The following MAGI2 variants were observed in gnomAD, a reference collection of about 807,000 sequenced individuals.
MAGI2 encodes the protein membrane-associated guanylate kinase, WW and PDZ domain-containing protein 2.
Under a neutral mutation model 133.3 loss-of-function variants are expected in MAGI2, and 35 were observed. That is an observed-to-expected ratio of 0.26 (90% CI 0.20 to 0.35). The LOEUF (loss-of-function observed/expected upper bound fraction) is 0.35, where lower values mean the gene tolerates loss of function less well. MAGI2 is among the 10% of genes least tolerant of loss of function. The probability of loss-of-function intolerance (pLI) is 1.00; values close to 1 mark genes in which losing one functional copy is unlikely to be tolerated. For synonymous variants in MAGI2, 729 were observed against 710.6 expected, an observed-to-expected ratio of 1.03 and a Z score of -0.41; for missense variants, 1,636 against 1,863.4, an observed-to-expected ratio of 0.88 and a Z score of 2.25.
chr7:78,373,809 T>C (rs1794175054), intron 6 of MAGI2, among the ~76,000 whole-genome samples: 1 of 152,052 alleles, frequency 6.6e-6, no homozygotes, highest in African/African-American at 2.4e-5. Context: ...TTCATGAATA[T>C]CCAGTGTTTA....
At chr7:78,273,282 G>A (rs992067821) in intron 9 of MAGI2, among the ~76,000 whole-genome samples, 2 of 152,230 alleles carry the variant, frequency 1.3e-5, no homozygotes, top group Non-Finnish European at 2.9e-5. Context: ...CTTCTGGCTT[G>A]TAGGGTTTCT....
chr7:78,625,678 C>T (rs2150951159), intron 3 of MAGI2, among the ~76,000 whole-genome samples: 1 of 152,314 alleles, frequency 6.6e-6, no homozygotes, highest in Non-Finnish European at 1.5e-5. Context: ...CCCAGAGCAA[C>T]TTACAGTCCT....
At chr7:79,380,919 C>T (rs78254548) in intron 1 of MAGI2, among the ~76,000 whole-genome samples, 4,783 of 151,878 alleles carry the variant, frequency 0.031, 237 homozygotes, top group African/African-American at 0.11. Context: ...AATTTTTATA[C>T]ACACTTGGTA....
intron 21 of MAGI2, among the ~76,000 whole-genome samples, chr7:78,032,918 G>T (rs1008932319): frequency 6.6e-6 from 1 of 152,062 alleles, no homozygotes; most frequent in Non-Finnish European, 1.5e-5. Context: ...GTAGAAGGAA[G>T]TGTGAGATCA....
At chr7:78,096,634 T>C (rs1817716635) in intron 20 of MAGI2, among the ~76,000 whole-genome samples, 1 of 152,194 alleles carries the variant, frequency 6.6e-6, no homozygotes, top group Non-Finnish European at 1.5e-5. Flanking sequence ...CAGTGCTTGT[T>C]TTTTTAAGTA....
rs916631697 is a variant in MAGI2, at chr7:79,261,472, G to A, written c.301+191548C>T. Among the ~76,000 whole-genome samples, 10 of 152,306 alleles carry A rather than the reference G, an allele frequency of 6.6e-5. No individual in the cohort carries two copies. The South Asian group carries it at 8.3e-4, about 13-fold the overall frequency. The stretch of plus-strand genomic sequence containing the variant: ...CAAGCCTAAGGTTAGTGGATGGGAC[G>A]TCAAATCCACTTCCTCAAAGGACAG... On this transcript the variant is annotated intron_variant, in intron 1 of 21. Transcript: ENST00000354212.
chr7:79,021,432 G>T (rs575334884), intron 1 of MAGI2, among the ~76,000 whole-genome samples: 41 of 152,348 alleles, frequency 2.7e-4, no homozygotes, highest in African/African-American at 9.6e-4. Flanking sequence ...GGGTGGAGCT[G>T]CCAAAGGCCA....
intron 6 of MAGI2, chr7:78,485,797 A>G (rs755692718): frequency 2.6e-5 from 4 of 152,070 alleles, no homozygotes; most frequent in East Asian, 1.9e-4. Flanking sequence ...ATAAATTAGG[A>G]TAACAGTGAA....
At chr7:79,113,617 C>T (rs1008502272) in intron 1 of MAGI2, among the ~76,000 whole-genome samples, 1 of 152,146 alleles carries the variant, frequency 6.6e-6, no homozygotes, top group Non-Finnish European at 1.5e-5. Flanking sequence ...TCAAGAGCTA[C>T]TAGCAAAGTT....
In MAGI2 at chr7:79,028,862, T is replaced by G. The variant is rs185171971; in HGVS notation, c.302-21656A>C. Reference sequence around the variant, plus strand: ...ATTGTCTTGGTAATGAAAGGGGTTTTTTTATAAATTACCTATTCATGCAAA... The same window carrying G: ...ATTGTCTTGGTAATGAAAGGGGTTTGTTTATAAATTACCTATTCATGCAAA... On this transcript the variant is annotated intron_variant, in intron 1 of 21. Transcript: ENST00000354212. Among the ~76,000 whole-genome samples the G allele has an allele frequency of 1.9e-3, 293 of 152,304 alleles. 1 individual carries two copies. Among genetic ancestry groups the G allele is most frequent in the Middle Eastern group, 6.8e-3 (2 of 294 alleles).
chr7:78,075,769 C>T (rs545499081), intron 21 of MAGI2, among the ~76,000 whole-genome samples: 1 of 152,268 alleles, frequency 6.6e-6, no homozygotes, highest in African/African-American at 2.4e-5. Context: ...TTGGGGACTC[C>T]TGGGCCCCAT....
intron 6 of MAGI2, among the ~76,000 whole-genome samples, chr7:78,388,074 T>C (rs1273722714): frequency 2.0e-5 from 3 of 152,228 alleles, no homozygotes; most frequent in Non-Finnish European, 4.4e-5. Flanking sequence ...TTTAGGTAAG[T>C]ATATTTGACA....
At chr7:78,055,228 T>C (rs1238876749) in intron 21 of MAGI2, among the ~76,000 whole-genome samples, 1 of 152,224 alleles carries the variant, frequency 6.6e-6, no homozygotes, top group Non-Finnish European at 1.5e-5. Flanking sequence ...AAAAATTTCC[T>C]GAGAGACAAG....
intron 3 of MAGI2, chr7:78,554,640 G>T (rs921573365): frequency 6.6e-6 from 1 of 152,132 alleles, no homozygotes; most frequent in Non-Finnish European, 1.5e-5. Flanking sequence ...CCTGAAGCAG[G>T]TCATAGGACC....
At chr7:78,830,887 T>A (rs1171833600) in intron 2 of MAGI2, among the ~76,000 whole-genome samples, 1 of 152,178 alleles carries the variant, frequency 6.6e-6, no homozygotes. Context: ...GAATATTACG[T>A]ACACAGCAAA....
chr7:78,645,385 G>T (rs1259742990), intron 2 of MAGI2, among the ~76,000 whole-genome samples: 1 of 152,054 alleles, frequency 6.6e-6, no homozygotes, highest in Non-Finnish European at 1.5e-5. Context: ...TATTCCTCAT[G>T]AACATACATA....
intron 1 of MAGI2, among the ~76,000 whole-genome samples, chr7:79,161,178 A>C (rs1189757649): frequency 6.6e-6 from 1 of 152,114 alleles, no homozygotes; most frequent in Non-Finnish European, 1.5e-5. Context: ...TGGGTAATGC[A>C]TCTGACTGGG....
intron 3 of MAGI2, among the ~76,000 whole-genome samples, chr7:78,609,830 A>C (rs1439734355): frequency 6.6e-6 from 1 of 152,196 alleles, no homozygotes; most frequent in Non-Finnish European, 1.5e-5. Context: ...TTTCAACTTG[A>C]TAAGTCCAGG....
At position 78,527,006 on chromosome 7, in the gene MAGI2, C is replaced by CAAAAAAAAAAAAAAAAAAAA. The variant is rs55707442; in HGVS notation, c.539-5381_539-5362dup. ...ATGGTGACAGGGCAAGACTCCATCTCAAAAAAAAAAAAAAAAAAAAAAAAA... is the reference window on the plus strand; with the variant it reads ...ATGGTGACAGGGCAAGACTCCATCTCAAAAAAAAAAAAAAAAAAAAAAAAAAAAAAAAAAAAAAAAAAAAA... On this transcript the variant is annotated intron_variant, in intron 3 of 21. Coordinates refer to ENST00000354212, the MANE Select transcript of MAGI2 (RefSeq NM_012301.4). Among the ~76,000 whole-genome samples, 55 of 45,422 alleles carry CAAAAAAAAAAAAAAAAAAAA rather than the reference C, an allele frequency of 1.2e-3. 1 individual carries two copies. The highest frequency in any genetic ancestry group is 1.4e-3 in the African/African-American group (21 of 14,636). The allele number at this position is 45,422 out of a possible 152,430, so 29.8% of individuals were successfully genotyped here.
Sources: gnomAD v4.1 joint callset for allele counts (sites outside exome capture counted in the v4.1 genomes callset) on GRCh38, gnomAD v4.1.1 for gene constraint, MANE v1.5 for transcripts, NCBI Gene and HGNC (gene_info 2026-07-23, HGNC 2026-07-21) for gene names.